The following ERBIN variants were observed in gnomAD, a reference collection of about 807,000 sequenced individuals.
The protein encoded by ERBIN is erbb2 interacting protein, also known as densin-180-like protein.
ERBIN carries 60 observed loss-of-function variants against 158.4 expected under a neutral mutation model. That is an observed-to-expected ratio of 0.38 (90% CI 0.31 to 0.47). The LOEUF (loss-of-function observed/expected upper bound fraction) is 0.47. ERBIN is among the 20% of genes least tolerant of loss of function. The probability of loss-of-function intolerance (pLI) is 0.99; values close to 1 mark genes in which losing one functional copy is unlikely to be tolerated. For synonymous variants in ERBIN, 594 were observed against 557.2 expected (o/e 1.07, Z -0.93); for missense variants, 1,610 against 1,648.0 (o/e 0.98, Z 0.40).
At chr5:65,980,196 A>C (rs1044010265) in intron 1 of ERBIN, among the ~76,000 whole-genome samples, 3 of 152,204 alleles carry the variant, frequency 2.0e-5, no homozygotes, top group Non-Finnish European at 4.4e-5. Context: ...CAGGGGGATC[A>C]CTTGAGGTCA....
At chr5:65,945,591 A>G (rs1257530249) in intron 1 of ERBIN, among the ~76,000 whole-genome samples, 1 of 152,212 alleles carries the variant, frequency 6.6e-6, no homozygotes, top group Non-Finnish European at 1.5e-5. Context: ...CTTTGGATTT[A>G]TAACTTAAAA....
intron 1 of ERBIN, among the ~76,000 whole-genome samples, chr5:65,936,913 G>C (rs1744159132): frequency 6.6e-6 from 1 of 152,062 alleles, no homozygotes; most frequent in Admixed American, 6.6e-5. Flanking sequence ...TCCATCAATG[G>C]TATATAAAAT....
At chr5:65,954,285 G>C (rs1049667147) in intron 1 of ERBIN, among the ~76,000 whole-genome samples, 39 of 152,300 alleles carry the variant, frequency 2.6e-4, no homozygotes, top group African/African-American at 9.1e-4. Context: ...CTGCAACTCC[G>C]GTTTCAGAGG....
At chr5:66,074,900 G>A (rs1761848587) in intron 22 of ERBIN, 124 bp from the exon 23 acceptor site, 6 of 744,190 alleles carry the variant, frequency 8.1e-6, no homozygotes, top group Non-Finnish European at 1.3e-5. Flanking sequence ...AAGTGGCATG[G>A]TATTGTTTGA....
At chr5:65,931,602 A>G (rs937297815) in intron 1 of ERBIN, among the ~76,000 whole-genome samples, 2 of 152,244 alleles carry the variant, frequency 1.3e-5, no homozygotes, top group African/African-American at 4.8e-5. Flanking sequence ...TAATAAAAAT[A>G]TAATTGTTTT....
At chr5:66,071,394 A>G (rs910102235) in intron 21 of ERBIN, among the ~76,000 whole-genome samples, 1 of 151,936 alleles carries the variant, frequency 6.6e-6, no homozygotes, top group African/African-American at 2.4e-5. Context: ...AGAAAGAAAT[A>G]TTCAGGGGTA....
chr5:66,021,529 C>A, intron 8 of ERBIN, 144 bp downstream of exon 8: 1 of 539,576 alleles, frequency 1.9e-6, no homozygotes. Context: ...TTAGCCAGAA[C>A]TTTCCAGACA....
At chr5:66,062,992 C>T (rs1760584500) in intron 21 of ERBIN, among the ~76,000 whole-genome samples, 1 of 152,180 alleles carries the variant, frequency 6.6e-6, no homozygotes, top group African/African-American at 2.4e-5. Flanking sequence ...GGGTCAGGGA[C>T]CCACTTGAGG....
At position 66,053,565 on chromosome 5, in the gene ERBIN, C is replaced by T. The variant is rs753584966; in HGVS notation, c.2247C>T (p.Asp749=). 5.6e-6 allele frequency: 9 copies of T among 1,610,900 alleles called. No individual in the cohort carries two copies. The African/African-American group carries it at 1.1e-4, about 19-fold the overall frequency. ...ERLVLIEKSV[D]STATADDTHK... ...TAGTTCTAATTGAGAAAAGTGTTGACTCAACAGCCACAGCTGATGACACTC... is the reference window on the plus strand; with the variant it reads ...TAGTTCTAATTGAGAAAAGTGTTGATTCAACAGCCACAGCTGATGACACTC... The change falls in exon 21 of 26, where the codon GAC becomes GAT. Residue 749 remains aspartate, a synonymous_variant. Coordinates refer to ENST00000284037, the MANE Select transcript of ERBIN (RefSeq NM_001253697.2).
intron 19 of ERBIN, among the ~76,000 whole-genome samples, chr5:66,049,724 T>C (rs972215665): frequency 6.6e-6 from 1 of 152,116 alleles, no homozygotes; most frequent in African/African-American, 2.4e-5. Flanking sequence ...CCTTAATTCA[T>C]ATAATCATCT....
chr5:66,014,177 T>C (rs1345694252), intron 6 of ERBIN, among the ~76,000 whole-genome samples: 1 of 152,190 alleles, frequency 6.6e-6, no homozygotes, highest in African/African-American at 2.4e-5. Context: ...CTAAAAATCA[T>C]TGATGTACTT....
chr5:66,043,052 G>T, intron 15 of ERBIN, 25 bp from the exon 16 acceptor site: 1 of 1,520,668 alleles, frequency 6.6e-7, no homozygotes, highest in African/African-American at 1.4e-5. Flanking sequence ...AATATAGTAG[G>T]TTTTTGTTTT....
At chr5:65,986,417 A>T (rs1751242812) in intron 1 of ERBIN, among the ~76,000 whole-genome samples, 1 of 152,184 alleles carries the variant, frequency 6.6e-6, no homozygotes, top group African/African-American at 2.4e-5. Context: ...TGCTTGCTGT[A>T]CACACAGCTT....
In ERBIN at chr5:66,016,341, A is replaced by G. The variant is rs531627157; in HGVS notation, c.533+1616A>G. ...AAGCCTATAATTACTATGTGATATCATAGGCAATTAACTGATTTTAACACC... is the reference window on the plus strand; with the variant it reads ...AAGCCTATAATTACTATGTGATATCGTAGGCAATTAACTGATTTTAACACC... On this transcript the variant is annotated intron_variant, in intron 7 of 25. Coordinates refer to ENST00000284037, the MANE Select transcript of ERBIN (RefSeq NM_001253697.2). 2.0e-5 allele frequency among the ~76,000 whole-genome samples: 3 copies of G among 152,348 alleles called. No homozygotes were observed. The South Asian group carries it at 6.2e-4, about 32-fold the overall frequency.
intron 4 of ERBIN, among the ~76,000 whole-genome samples, chr5:66,006,789 G>A (rs976467411): frequency 1.3e-5 from 2 of 151,968 alleles, no homozygotes; most frequent in Non-Finnish European, 2.9e-5. Flanking sequence ...ACATGAAAAA[G>A]TGCTCATCAT....
intron 21 of ERBIN, among the ~76,000 whole-genome samples, 157 bp from the exon 22 acceptor site, chr5:66,072,012 T>C (rs1761577332): frequency 6.6e-6 from 1 of 152,210 alleles, no homozygotes; most frequent in African/African-American, 2.4e-5. Context: ...AAGTGAAAGA[T>C]ACTAATTGAT....
At chr5:65,946,950 T>C (rs1745835151) in intron 1 of ERBIN, among the ~76,000 whole-genome samples, 1 of 151,280 alleles carries the variant, frequency 6.6e-6, no homozygotes, top group African/African-American at 2.5e-5. Context: ...GCCCATTTTC[T>C]AACTGGATTT....
chr5:65,982,162 T>A (rs1195003880), intron 1 of ERBIN, among the ~76,000 whole-genome samples: 1 of 152,218 alleles, frequency 6.6e-6, no homozygotes, highest in Admixed American at 6.5e-5. Flanking sequence ...TCTTTGAGCC[T>A]TAATCTTCAC....
chr5:66,032,610 T>C lies in ERBIN; in HGVS notation c.1206+4267T>C, dbSNP rs1178325794. On this transcript the variant is annotated intron_variant, in intron 14 of 25. Coordinates refer to ENST00000284037, the MANE Select transcript of ERBIN (RefSeq NM_001253697.2). ...GAACAGGCAAATAGTATGATCACACTGATATTTTAGAAAGGCCTTTTTGGC... is the reference window on the plus strand; with the variant it reads ...GAACAGGCAAATAGTATGATCACACCGATATTTTAGAAAGGCCTTTTTGGC... Among the ~76,000 whole-genome samples the C allele has an allele frequency of 5.3e-5, 8 of 152,126 alleles. No individual in the cohort carries two copies. In the East Asian group the frequency reaches 1.3e-3, roughly 26 times the overall value.
Sources: gnomAD v4.1 joint callset for allele counts (sites outside exome capture counted in the v4.1 genomes callset) on GRCh38, gnomAD v4.1.1 for gene constraint, MANE v1.5 for transcripts, NCBI Gene and HGNC (gene_info 2026-07-23, HGNC 2026-07-21) for gene names.